Variants in ZNF292 observed in about 807,000 individuals in gnomAD.
The protein encoded by ZNF292 is 16 zinc-finger domain protein.
In ZNF292, 26 loss-of-function variants were observed where a neutral mutation model predicts 217.9. The ratio of observed to expected loss-of-function variants is 0.12; its 90% confidence interval spans 0.09 to 0.17. The LOEUF (loss-of-function observed/expected upper bound fraction) is 0.17, where lower values mean the gene tolerates loss of function less well. ZNF292 is among the 10% of genes least tolerant of loss of function. The pLI is 1.00. For missense variants in ZNF292, 2,904 were observed against 3,175.2 expected, an observed-to-expected ratio of 0.91 and a Z score of 2.05; for synonymous variants, 1,257 against 1,124.1, an observed-to-expected ratio of 1.12 and a Z score of -2.37.
At chr6:87,178,945 T>G (rs2127776947) in intron 1 of ZNF292, among the ~76,000 whole-genome samples, 1 of 152,290 alleles carries the variant, frequency 6.6e-6, no homozygotes, top group African/African-American at 2.4e-5. Context: ...AAGAATGTGC[T>G]AATTAGGGTT....
intron 1 of ZNF292, among the ~76,000 whole-genome samples, chr6:87,164,523 C>T (rs1303108743): frequency 6.6e-6 from 1 of 152,170 alleles, no homozygotes; most frequent in African/African-American, 2.4e-5. Flanking sequence ...CCACATGTCC[C>T]TTTTCCCTTT....
chr6:87,215,921 G>A lies in ZNF292; in HGVS notation c.187G>A (p.Glu63Lys). 6.3e-7 allele frequency: 1 copy of A among 1,599,082 alleles called. No individual in the cohort carries two copies. Residue 63 changes from glutamate to lysine, a missense_variant, in exon 2 of 8, where the codon GAG becomes AAG. Coordinates refer to ENST00000369577, the MANE Select transcript of ZNF292 (RefSeq NM_015021.3). The part of the protein sequence containing the change: ...QLCQTLLEYA[E>K]KWKTSEDPLP... ...AAAACAGACACTCCTAGAATATGCA[G>A]AGAAATGGAAAACTTCAGAAGATCC...
chr6:87,166,116 G>A (rs1478554600), intron 1 of ZNF292, among the ~76,000 whole-genome samples: 1 of 152,138 alleles, frequency 6.6e-6, no homozygotes, highest in Non-Finnish European at 1.5e-5. Flanking sequence ...CACAGAACCC[G>A]ATTTGAGAAA....
intron 1 of ZNF292, among the ~76,000 whole-genome samples, chr6:87,208,378 CTGT>C (rs1307516470): frequency 1.3e-5 from 2 of 151,958 alleles, no homozygotes; most frequent in East Asian, 1.9e-4. Context: ...CCTGGAACTC[CTGT>C]TATTTATTAT....
chr6:87,159,358 A>G (rs1223065982), intron 1 of ZNF292, among the ~76,000 whole-genome samples: 1 of 151,852 alleles, frequency 6.6e-6, no homozygotes, highest in Admixed American at 6.6e-5. Context: ...CCCGTCATAA[A>G]TTTTAAATTT....
intron 1 of ZNF292, among the ~76,000 whole-genome samples, chr6:87,204,709 G>A (rs1202913228): frequency 1.3e-5 from 2 of 151,646 alleles, no homozygotes; most frequent in African/African-American, 2.4e-5. Context: ...GATTACAGGC[G>A]CCTTCCACCA....
intron 4 of ZNF292, among the ~76,000 whole-genome samples, chr6:87,227,005 C>T (rs1362097509): frequency 6.6e-6 from 1 of 152,008 alleles, no homozygotes. Context: ...TATAATGTTA[C>T]ATGGAAAAAT....
At chr6:87,208,481 T>A (rs1218554299) in intron 1 of ZNF292, among the ~76,000 whole-genome samples, 3 of 152,162 alleles carry the variant, frequency 2.0e-5, no homozygotes, top group Non-Finnish European at 4.4e-5. Flanking sequence ...CTATTTCTTA[T>A]AACATGGTGT....
intron 4 of ZNF292, among the ~76,000 whole-genome samples, chr6:87,232,879 T>C (rs953653401): frequency 6.6e-6 from 1 of 152,116 alleles, no homozygotes; most frequent in Non-Finnish European, 1.5e-5. Flanking sequence ...AACAAAATAT[T>C]AGTTGAATCT....
chr6:87,208,722 G>C (rs1244226854), intron 1 of ZNF292, among the ~76,000 whole-genome samples: 1 of 152,056 alleles, frequency 6.6e-6, no homozygotes, highest in Non-Finnish European at 1.5e-5. Flanking sequence ...CCAAGTTCAT[G>C]TATGACATTT....
In ZNF292 at chr6:87,261,212, G is replaced by A. The variant is rs1309127138; in HGVS notation, c.7583G>A (p.Ser2528Asn). 1 of 1,610,166 alleles carries A rather than the reference G, an allele frequency of 6.2e-7. No individual in the cohort carries two copies. The highest frequency in any genetic ancestry group is 8.5e-7 in the Non-Finnish European group (1 of 1,178,888). The change falls in exon 8 of 8, where the codon AGT becomes AAT. Residue 2528 changes from serine to asparagine, a missense_variant. Physicochemically the swap from Ser to Asn is conservative, Grantham distance 46 (BLOSUM62 1). Transcript: ENST00000369577. ...NLCQSERQKA[S>N]NLKRVNKEKN... ...TGCCAGTCAGAAAGACAAAAAGCAA[G>A]TAATTTGAAGAGAGTTAATAAGGAA... is the stretch of plus-strand genomic sequence containing the variant.
intron 4 of ZNF292, 44 bp downstream of exon 4, chr6:87,218,775 G>GA (rs1772919740): frequency 2.0e-6 from 3 of 1,511,978 alleles, no homozygotes; most frequent in East Asian, 2.4e-5. Flanking sequence ...AATTAGACTA[G>GA]AAAAAATAAG....
chr6:87,260,952 A>G lies in ZNF292; in HGVS notation c.7323A>G (p.Gln2441=). 1 of 1,610,616 alleles carries G rather than the reference A, an allele frequency of 6.2e-7. No homozygotes were observed. Among genetic ancestry groups the G allele is most frequent in the South Asian group, 1.1e-5 (1 of 90,498 alleles). ...CACAAGTAAAGGAAACGTCTGAGCA[A>G]GAAGGTGCTAAGAATGATGTGAAAG... is the stretch of plus-strand genomic sequence containing the variant. The part of the protein sequence containing the change: ...CNSQVKETSE[Q]EGAKNDVKDS... Residue 2441 remains glutamine (Q), a synonymous_variant, in exon 8 of 8, where the codon CAA becomes CAG. Coordinates refer to ENST00000369577, the MANE Select transcript of ZNF292 (RefSeq NM_015021.3).
chr6:87,233,188 A>G (rs1158106663), intron 4 of ZNF292, 137 bp from the exon 5 acceptor site: 3 of 632,468 alleles, frequency 4.7e-6, no homozygotes, highest in African/African-American at 3.7e-5. Flanking sequence ...GTCTTTTGTG[A>G]TAGCCTTACT....
rs1278666228 is a variant in ZNF292 at position 87,265,451 on chromosome 6, C to G, written c.*3650C>G. Among the ~76,000 whole-genome samples the G allele has an allele frequency of 1.3e-5, 2 of 152,128 alleles. No homozygotes were observed. The highest frequency in any genetic ancestry group is 2.9e-5 in the Non-Finnish European group (2 of 68,018). On this transcript the variant is annotated 3_prime_UTR_variant, in exon 8 of 8. Transcript: ENST00000369577. Reference sequence around the variant, plus strand: ...GGCCAGGCTGGTCTTGAACTCCTGACCTCAGGTGATCACCCACCTCCACCT... The same window carrying G: ...GGCCAGGCTGGTCTTGAACTCCTGAGCTCAGGTGATCACCCACCTCCACCT...
chr6:87,225,401 A>G (rs1773296740), intron 4 of ZNF292, among the ~76,000 whole-genome samples: 1 of 152,160 alleles, frequency 6.6e-6, no homozygotes, highest in Admixed American at 6.5e-5. Flanking sequence ...TTTTTCTTCC[A>G]TGGATCATGC....
chr6:87,181,371 C>T (rs1771468882), intron 1 of ZNF292, among the ~76,000 whole-genome samples: 1 of 152,184 alleles, frequency 6.6e-6, no homozygotes, highest in Admixed American at 6.6e-5. Flanking sequence ...ATTCAGGTGC[C>T]TCTTTCCTCC....
At chr6:87,249,788 C>A (rs1774808147) in intron 7 of ZNF292, among the ~76,000 whole-genome samples, 1 of 152,054 alleles carries the variant, frequency 6.6e-6, no homozygotes, top group African/African-American at 2.4e-5. Context: ...CGGCTCACTA[C>A]AACCTCCATC....
At chr6:87,242,216 G>C (rs1438545409) in intron 5 of ZNF292, among the ~76,000 whole-genome samples, 1 of 152,184 alleles carries the variant, frequency 6.6e-6, no homozygotes, top group Non-Finnish European at 1.5e-5. Flanking sequence ...GAGGCAGAGA[G>C]AGGAGTAGTG....
Sources: gnomAD v4.1 joint callset for allele counts (sites outside exome capture counted in the v4.1 genomes callset) on GRCh38, gnomAD v4.1.1 for gene constraint, MANE v1.5 for transcripts, NCBI Gene and HGNC (gene_info 2026-07-23, HGNC 2026-07-21) for gene names.